Variants in B3GLCT observed in about 807,000 individuals in gnomAD.
B3GLCT encodes beta 3-glucosyltransferase.
In B3GLCT, 65 loss-of-function variants were observed where a neutral mutation model predicts 63.4. The observed-to-expected ratio is 1.03, with a 90% CI of 0.84 to 1.26. The LOEUF is 1.26. Among genes scored for constraint, B3GLCT ranks in the 50% most tolerant of loss-of-function variants. The pLI is 0.00. For missense variants in B3GLCT, 577 were observed against 604.8 expected (o/e 0.95, Z 0.48); for synonymous variants, 233 against 219.2 (o/e 1.06, Z -0.55).
chr13:31,253,419 G>A (rs1418767971), intron 6 of B3GLCT, among the ~76,000 whole-genome samples: 6 of 151,718 alleles, frequency 4.0e-5, no homozygotes, highest in South Asian at 4.2e-4. Flanking sequence ...ATGAAACCCC[G>A]TCTCTACTAA....
chr13:31,299,083 C>T (rs1354320164), intron 12 of B3GLCT, among the ~76,000 whole-genome samples: 1 of 152,160 alleles, frequency 6.6e-6, no homozygotes, highest in Non-Finnish European at 1.5e-5. Flanking sequence ...GCAAGATTTG[C>T]ATAGTCACCC....
chr13:31,271,030 C>T (rs770054074), intron 8 of B3GLCT, among the ~76,000 whole-genome samples: 25 of 152,370 alleles, frequency 1.6e-4, no homozygotes, highest in South Asian at 1.5e-3. Flanking sequence ...CTGCATAAGG[C>T]GTGAATTCCT....
In B3GLCT at chr13:31,261,820, T is replaced by C. The variant is rs768617263; in HGVS notation, c.596+738T>C. ...AAATCTTATTAGCCCATTGTAGATA[T>C]ACAGGATATTACATACCTTGTCATT... On this transcript the variant is annotated intron_variant, in intron 7 of 14. Transcript: ENST00000343307. Among the ~76,000 whole-genome samples the C allele has an allele frequency of 2.2e-4, 34 of 152,354 alleles. 1 individual carries two copies. The highest frequency in any genetic ancestry group is 2.0e-3 in the Admixed American group (31 of 15,306).
intron 10 of B3GLCT, among the ~76,000 whole-genome samples, chr13:31,280,050 G>T (rs1872990404): frequency 6.6e-6 from 1 of 152,050 alleles, no homozygotes; most frequent in African/African-American, 2.4e-5. Flanking sequence ...TTTTCAAGGT[G>T]CCCAGATTTC....
chr13:31,253,275 C>T (rs563539503), intron 6 of B3GLCT, among the ~76,000 whole-genome samples: 64 of 151,950 alleles, frequency 4.2e-4, no homozygotes, highest in Admixed American at 2.0e-3. Flanking sequence ...GATCGAAAAT[C>T]GACACTCTAA....
chr13:31,213,041 C>T (rs551704040), intron 1 of B3GLCT, among the ~76,000 whole-genome samples: 8 of 150,236 alleles, frequency 5.3e-5, no homozygotes, highest in African/African-American at 1.8e-4. Context: ...TGTGTGCACG[C>T]GTGCGCGTGT....
intron 2 of B3GLCT, among the ~76,000 whole-genome samples, chr13:31,217,267 C>T (rs765344455): frequency 2.6e-5 from 4 of 152,136 alleles, no homozygotes; most frequent in Middle Eastern, 3.4e-3. Flanking sequence ...TGTCTGTTCA[C>T]GTCCTTTACC....
intron 10 of B3GLCT, among the ~76,000 whole-genome samples, chr13:31,280,776 T>A (rs977801821): frequency 6.6e-6 from 1 of 152,220 alleles, no homozygotes; most frequent in African/African-American, 2.4e-5. Flanking sequence ...CTGACTTAAG[T>A]GAAACAGCAT....
rs1875025139 is a variant in B3GLCT, at chr13:31,316,417, ATATATATATATAT to A, written c.1065-1148_1065-1136del. ...GAGATTTTGGAGGTTTTATATATAT[ATATATATATATAT>A]AAATTTTTTTTTTTTGAGACGGAGT... is the stretch of plus-strand genomic sequence containing the variant. On this transcript the variant is annotated intron_variant, in intron 12 of 14. Transcript: ENST00000343307. Among the ~76,000 whole-genome samples, 3 of 103,512 alleles carry A rather than the reference ATATATATATATAT, an allele frequency of 2.9e-5. 1 individual carries two copies. Among genetic ancestry groups the A allele is most frequent in the East Asian group, 7.5e-4 (2 of 2,684 alleles). 67.9% of individuals were successfully genotyped at this position (103,512 alleles called of 152,430 possible).
At chr13:31,245,669 C>G (rs898688249) in intron 4 of B3GLCT, among the ~76,000 whole-genome samples, 1 of 152,122 alleles carries the variant, frequency 6.6e-6, no homozygotes, top group Non-Finnish European at 1.5e-5. Flanking sequence ...TCTTGTCTAG[C>G]TCACATTTGC....
chr13:31,289,466 T>C (rs1115929), intron 12 of B3GLCT, among the ~76,000 whole-genome samples: 140,453 of 152,188 alleles, frequency 0.92, 65,655 homozygotes, highest in East Asian at 1. Context: ...GCATATTATA[T>C]TCAGAATGTT....
At chr13:31,269,342 G>T in intron 8 of B3GLCT, 65 bp downstream of exon 8, 1 of 1,232,554 alleles carries the variant, frequency 8.1e-7, no homozygotes. Flanking sequence ...TGATGTAAAA[G>T]GTATTTTGCA....
intron 4 of B3GLCT, among the ~76,000 whole-genome samples, chr13:31,236,427 T>A (rs572136623): frequency 7.9e-5 from 12 of 152,296 alleles, no homozygotes; most frequent in African/African-American, 2.2e-4. Context: ...GGTTTTACAT[T>A]TAAAGGCATG....
chr13:31,274,333 C>T (rs1872688323), intron 8 of B3GLCT, among the ~76,000 whole-genome samples, 176 bp from the exon 9 acceptor site: 1 of 152,210 alleles, frequency 6.6e-6, no homozygotes, highest in Non-Finnish European at 1.5e-5. Context: ...CATTTATTCA[C>T]ATGGAATTGT....
chr13:31,237,553 C>T (rs925714027), intron 4 of B3GLCT, among the ~76,000 whole-genome samples: 1 of 152,038 alleles, frequency 6.6e-6, no homozygotes, highest in Non-Finnish European at 1.5e-5. Flanking sequence ...CAGGGTTTCA[C>T]CATGTTGGCC....
At chr13:31,322,042 A>C (rs1429850123) in intron 13 of B3GLCT, among the ~76,000 whole-genome samples, 1 of 152,190 alleles carries the variant, frequency 6.6e-6, no homozygotes, top group Non-Finnish European at 1.5e-5. Context: ...ATGCCTTTGC[A>C]TCCTCATAAC....
chr13:31,279,231 C>T (rs1179795065), intron 10 of B3GLCT, among the ~76,000 whole-genome samples: 1 of 152,086 alleles, frequency 6.6e-6, no homozygotes, highest in Non-Finnish European at 1.5e-5. Flanking sequence ...TAGACTGCCA[C>T]TCCTATCTAA....
intron 12 of B3GLCT, among the ~76,000 whole-genome samples, chr13:31,301,111 A>G (rs977680537): frequency 6.6e-6 from 1 of 152,220 alleles, no homozygotes; most frequent in African/African-American, 2.4e-5. Context: ...GGTTTCATCA[A>G]GATCACTTTA....
chr13:31,290,217 A>C (rs1175134796), intron 12 of B3GLCT, among the ~76,000 whole-genome samples: 1 of 152,320 alleles, frequency 6.6e-6, no homozygotes, highest in South Asian at 2.1e-4. Flanking sequence ...ATGGCTGCAT[A>C]GTATTCCATG....
Sources: allele counts gnomAD v4.1 joint callset (sites outside exome capture counted in the v4.1 genomes callset), GRCh38; gene constraint gnomAD v4.1.1; transcripts MANE v1.5; gene names NCBI Gene and HGNC (gene_info 2026-07-23, HGNC 2026-07-21).